The following TNS1 variants were observed in gnomAD, a reference collection of about 807,000 sequenced individuals.
TNS1 encodes tensin-1.
A neutral mutation model predicts 168.6 loss-of-function variants in TNS1; 62 were observed. The observed-to-expected ratio is 0.37, with a 90% CI of 0.30 to 0.45. The LOEUF (loss-of-function observed/expected upper bound fraction) is 0.45. Among genes scored for constraint, TNS1 ranks in the 20% least tolerant of loss-of-function variants. The probability of loss-of-function intolerance (pLI) is 1.00; values close to 1 mark genes in which losing one functional copy is unlikely to be tolerated. For synonymous variants in TNS1, 934 were observed against 933.2 expected, an observed-to-expected ratio of 1.00 and a Z score of -0.02; for missense variants, 2,240 against 2,339.4, an observed-to-expected ratio of 0.96 and a Z score of 0.88.
chr2:217,976,080 C>T (rs551076472), intron 3 of TNS1, among the ~76,000 whole-genome samples: 1 of 152,328 alleles, frequency 6.6e-6, no homozygotes, highest in Admixed American at 6.5e-5. Context: ...TCCCACCTCA[C>T]ATGACTCTTC....
At chr2:217,806,579 C>T (rs1310925858) in intron 32 of TNS1, among the ~76,000 whole-genome samples, 1 of 152,176 alleles carries the variant, frequency 6.6e-6, no homozygotes, top group East Asian at 1.9e-4. Context: ...CAAGCCCCTT[C>T]AAACAGGAAG....
At chr2:217,869,882 C>T (rs1321816732) in intron 18 of TNS1, among the ~76,000 whole-genome samples, 2 of 152,016 alleles carry the variant, frequency 1.3e-5, no homozygotes, top group Non-Finnish European at 2.9e-5. Flanking sequence ...CCCTTGGCCC[C>T]ACACTGCAAC....
chr2:217,893,105 G>T, intron 10 of TNS1, 93 bp from the exon 11 acceptor site: 1 of 1,482,870 alleles, frequency 6.7e-7, no homozygotes, highest in South Asian at 1.2e-5. Flanking sequence ...AAGAGTCAGG[G>T]CTGGAGAGAG....
chr2:218,004,373 C>G (rs548538361), upstream of TNS1, among the ~76,000 whole-genome samples: 24 of 152,172 alleles, frequency 1.6e-4, no homozygotes, highest in Admixed American at 2.6e-4. Context: ...CTGCCTCCCC[C>G]CCCCACTCAC....
rs182282124 is a variant in TNS1, at chr2:217,898,449, G to A, written c.372-480C>T. ...CTGGAACGGAGACTTCCCACTGCCC[G>A]CCCCTAGCTCTCGAGCTGTGGAGTG... On this transcript the variant is annotated intron_variant, in intron 7 of 32. Transcript: ENST00000682258. Among the ~76,000 whole-genome samples the A allele has an allele frequency of 1.4e-3, 214 of 152,348 alleles. 1 individual carries two copies. Among genetic ancestry groups the A allele is most frequent in the African/African-American group, 4.9e-3 (204 of 41,586 alleles).
At chr2:217,939,528 C>T (rs1400913982) in intron 3 of TNS1, among the ~76,000 whole-genome samples, 2 of 152,190 alleles carry the variant, frequency 1.3e-5, no homozygotes, top group East Asian at 3.9e-4. Flanking sequence ...CTGTGGGGTC[C>T]CATCTTCTCT....
intron 3 of TNS1, among the ~76,000 whole-genome samples, chr2:217,972,756 C>T (rs1284398001): frequency 6.6e-6 from 1 of 152,212 alleles, no homozygotes; most frequent in Non-Finnish European, 1.5e-5. Flanking sequence ...GAACAGGCTG[C>T]TGTTGTCAAC....
At position 217,831,485 on chromosome 2, in the gene TNS1, G is replaced by C. The variant is rs769139168; in HGVS notation, c.3343C>G (p.Pro1115Ala). 1 of 1,588,682 alleles carries C rather than the reference G, an allele frequency of 6.3e-7. No homozygotes were observed. The highest frequency in any genetic ancestry group is 8.6e-7 in the Non-Finnish European group (1 of 1,168,548). ...GTGGGGTGCAACAGGATGTCCGCTG[G>C]GTTGTGAGGTTTCAGGCCCAGAGCA... ...LSALGLKPHN[P>A]ADILLHPTGE... The change falls in exon 22 of 33, where the codon CCA becomes GCA. Residue 1115 changes from proline (P) to alanine (A), a missense_variant. Around this residue, in one of 2 missense-constraint regions of TNS1, gnomAD observed 2,131 missense variants for 2,171.2 expected, o/e 0.98. Transcript: ENST00000682258.
At chr2:217,821,603 GT>G in intron 23 of TNS1, 136 bp downstream of exon 23, 1 of 843,144 alleles carries the variant, frequency 1.2e-6, no homozygotes, top group Non-Finnish European at 1.7e-6. Flanking sequence ...TGATGAACTG[GT>G]TTGCAAGGTA....
Position 217,893,552 on chromosome 2 carries a change from A to C in TNS1, c.604T>G (p.Phe202Val). 1 of 1,610,520 alleles carries C rather than the reference A, an allele frequency of 6.2e-7. No individual in the cohort carries two copies. The highest frequency in any genetic ancestry group is 8.5e-7 in the Non-Finnish European group (1 of 1,178,606). The change falls in exon 10 of 33, where the codon TTT becomes GTT. Residue 202 changes from phenylalanine to valine, a missense_variant. Phe to Val is a conservative substitution (Grantham distance 50). Coordinates refer to ENST00000682258, the MANE Select transcript of TNS1 (RefSeq NM_001387777.1). ...ITKLHAKVLE[F>V]GWPDLHTPAL... is the part of the protein sequence containing the mutation. ...GGGGTGTGGAGGTCGGGCCAGCCAA[A>C]TTCCAGTACCTGTGGCCCAAGCCAT...
rs3791925 is a variant in TNS1 at position 217,910,631 on chromosome 2, G to T, written c.229-3380C>A. ...CCTAATGAGTCCAGCTGGCACTCCCGGGACCCTCTGGAACCAAAGCCCCTG... is the reference window on the plus strand; with the variant it reads ...CCTAATGAGTCCAGCTGGCACTCCCTGGACCCTCTGGAACCAAAGCCCCTG... On this transcript the variant is annotated intron_variant, in intron 4 of 32. Coordinates refer to ENST00000682258, the MANE Select transcript of TNS1 (RefSeq NM_001387777.1). 4.6e-5 allele frequency among the ~76,000 whole-genome samples: 7 copies of T among 151,418 alleles called. No homozygotes were observed. In the East Asian group the frequency reaches 1.2e-3, roughly 26 times the overall value.
At chr2:217,851,646 G>T (rs915378091) in intron 18 of TNS1, among the ~76,000 whole-genome samples, 2 of 152,146 alleles carry the variant, frequency 1.3e-5, no homozygotes, top group South Asian at 2.1e-4. Context: ...ACTGAAAAGG[G>T]GTTTTGGCTA....
chr2:217,978,946 A>G, intron 2 of TNS1, 144 bp from the exon 3 acceptor site: 2 of 619,406 alleles, frequency 3.2e-6, no homozygotes, highest in Non-Finnish European at 6.0e-6. Context: ...AGAGAGGGAG[A>G]GAGGGAGGGG....
intron 1 of TNS1, among the ~76,000 whole-genome samples, chr2:218,000,376 G>T (rs1226100987): frequency 6.6e-6 from 1 of 152,198 alleles, no homozygotes; most frequent in Non-Finnish European, 1.5e-5. Flanking sequence ...TGGGCAGTCA[G>T]CCCAGGAGTA....
At chr2:217,824,877 C>T (rs1943388788) in intron 22 of TNS1, among the ~76,000 whole-genome samples, 1 of 152,134 alleles carries the variant, frequency 6.6e-6, no homozygotes, top group African/African-American at 2.4e-5. Flanking sequence ...TCTTTGGCTG[C>T]CCGTGGGCTC....
chr2:217,911,085 A>G (rs1394111239), intron 4 of TNS1, among the ~76,000 whole-genome samples: 1 of 152,104 alleles, frequency 6.6e-6, no homozygotes, highest in Non-Finnish European at 1.5e-5. Context: ...CCAAACACAG[A>G]CAGACCCCTA....
chr2:217,823,868 C>T (rs1401065648), intron 22 of TNS1, among the ~76,000 whole-genome samples: 1 of 152,194 alleles, frequency 6.6e-6, no homozygotes, highest in Non-Finnish European at 1.5e-5. Context: ...AAGGCCTCCT[C>T]GAAATCCTCC....
intron 3 of TNS1, among the ~76,000 whole-genome samples, chr2:217,960,888 C>T (rs1250541862): frequency 6.6e-6 from 1 of 152,166 alleles, no homozygotes; most frequent in African/African-American, 2.4e-5. Flanking sequence ...CTGGTAGCCA[C>T]TCCTCTACTG....
intron 3 of TNS1, among the ~76,000 whole-genome samples, chr2:217,944,443 T>C (rs112332990): frequency 5.2e-4 from 79 of 152,336 alleles, no homozygotes; most frequent in African/African-American, 1.9e-3. Flanking sequence ...AAAGGGCTTC[T>C]GGGTGGAGAA....
Sources: allele counts gnomAD v4.1 joint callset (sites outside exome capture counted in the v4.1 genomes callset), GRCh38; gene constraint gnomAD v4.1.1; regional missense constraint gnomAD v4.1.1; transcripts MANE v1.5; gene names NCBI Gene and HGNC (gene_info 2026-07-23, HGNC 2026-07-21).